Variants in KLHL1 observed in about 807,000 individuals in gnomAD.
KLHL1 encodes the protein kelch like family member 1.
KLHL1 carries 47 observed loss-of-function variants against 77.7 expected under a neutral mutation model. The ratio of observed to expected loss-of-function variants is 0.60; its 90% CI spans 0.48 to 0.77. KLHL1 has a LOEUF of 0.77. KLHL1 is among the 30% of genes least tolerant of loss of function. The pLI is 0.00. For synonymous variants in KLHL1, 360 were observed against 325.2 expected, an observed-to-expected ratio of 1.11 and a Z score of -1.15; for missense variants, 925 against 910.8, an observed-to-expected ratio of 1.02 and a Z score of -0.20.
At chr13:69,994,895 A>T (rs527364222) in intron 1 of KLHL1, among the ~76,000 whole-genome samples, 3 of 152,218 alleles carry the variant, frequency 2.0e-5, no homozygotes, top group African/African-American at 2.4e-5. Flanking sequence ...TAAGACATTC[A>T]CTGACAAGAA....
At chr13:70,024,622 C>CTCTCTCTCTCTCTCTTTCTCTCTT (rs1458518366) in intron 1 of KLHL1, among the ~76,000 whole-genome samples, 539 of 38,088 alleles carry the variant, frequency 0.014, 22 homozygotes, top group South Asian at 0.089. Context: ...GAAAAGATTT[C>CTCTCTCTCTCTCTCTTTCTCTCTT]TCTCTCTCTC....
rs764357736 is a variant in KLHL1 at position 69,961,312 on chromosome 13, A to G, written c.813T>C (p.Tyr271=). The change falls in exon 3 of 11, where the codon TAT becomes TAC. Residue 271 remains tyrosine, a synonymous_variant. Transcript: ENST00000377844. ...NALWDLVQFA[Y]TGCLELKEDT... is the part of the protein sequence containing the mutation. Reference sequence around the variant, plus strand: ...GTTATAATTATTTTGCCATACCTGTATATGCAAATTGGACAAGGTCCCAGA... The same window carrying G: ...GTTATAATTATTTTGCCATACCTGTGTATGCAAATTGGACAAGGTCCCAGA... 1.2e-6 allele frequency: 2 copies of G among 1,611,078 alleles called. No individual in the cohort carries two copies. Among genetic ancestry groups the G allele is most frequent in the South Asian group, 1.1e-5 (1 of 90,842 alleles).
chr13:69,788,874 G>A (rs1876706592), intron 7 of KLHL1, among the ~76,000 whole-genome samples: 1 of 152,018 alleles, frequency 6.6e-6, no homozygotes, highest in African/African-American at 2.4e-5. Flanking sequence ...ACCTTTTTCT[G>A]ATTTATTAGT....
chr13:69,778,029 A>C (rs955449877), intron 7 of KLHL1, among the ~76,000 whole-genome samples: 5 of 151,864 alleles, frequency 3.3e-5, no homozygotes, highest in African/African-American at 1.2e-4. Context: ...TTAAAAATTA[A>C]GATAATTATA....
At chr13:70,011,602 A>G (rs1885535086) in intron 1 of KLHL1, among the ~76,000 whole-genome samples, 1 of 152,146 alleles carries the variant, frequency 6.6e-6, no homozygotes, top group African/African-American at 2.4e-5. Context: ...AGTTATCCCT[A>G]TCTTGATAGT....
intron 7 of KLHL1, among the ~76,000 whole-genome samples, chr13:69,745,090 C>T (rs1381259829): frequency 1.3e-5 from 2 of 151,764 alleles, no homozygotes; most frequent in African/African-American, 2.4e-5. Flanking sequence ...GAGAGGAACC[C>T]CGTTGTCTGA....
intron 1 of KLHL1, among the ~76,000 whole-genome samples, chr13:70,006,247 C>T (rs1281972259): frequency 2.0e-5 from 3 of 151,874 alleles, no homozygotes; most frequent in African/African-American, 4.8e-5. Flanking sequence ...ACGACATTTT[C>T]TTTATCTATT....
intron 4 of KLHL1, among the ~76,000 whole-genome samples, chr13:69,933,639 A>T (rs977628389): frequency 3.9e-5 from 6 of 152,124 alleles, no homozygotes. Context: ...TGACTCTGGA[A>T]GGCTTTATGC....
chr13:69,834,328 G>T lies in KLHL1; in HGVS notation c.1414+4648C>A, dbSNP rs74328077. Among the ~76,000 whole-genome samples, 109 of 151,804 alleles carry T rather than the reference G, an allele frequency of 7.2e-4. 2 individuals are homozygous for T. In the East Asian group the frequency reaches 0.019, roughly 26 times the overall value. The stretch of plus-strand genomic sequence containing the variant: ...TATATATGTATGTATTTATGTCATT[G>T]ATGTATTATCTATTACTTAAAAAAA... On this transcript the variant is annotated intron_variant, in intron 6 of 10. Transcript: ENST00000377844.
intron 7 of KLHL1, among the ~76,000 whole-genome samples, chr13:69,781,415 A>T (rs1469618455): frequency 6.6e-6 from 1 of 151,638 alleles, no homozygotes; most frequent in Non-Finnish European, 1.5e-5. Flanking sequence ...CTTGAGAAAT[A>T]GCTTGACTAG....
At chr13:69,973,960 A>G (rs1322536641) in intron 2 of KLHL1, among the ~76,000 whole-genome samples, 1 of 151,938 alleles carries the variant, frequency 6.6e-6, no homozygotes, top group Non-Finnish European at 1.5e-5. Context: ...CCCCGCTTTA[A>G]CCAATCAAAT....
chr13:70,030,973 C>T (rs1399471156), intron 1 of KLHL1, among the ~76,000 whole-genome samples: 1 of 152,104 alleles, frequency 6.6e-6, no homozygotes, highest in Non-Finnish European at 1.5e-5. Flanking sequence ...CACTTCTATG[C>T]AAATAAACTA....
intron 1 of KLHL1, among the ~76,000 whole-genome samples, chr13:70,104,126 T>G (rs1644919786): frequency 6.6e-6 from 1 of 152,172 alleles, no homozygotes. Flanking sequence ...GGCAGAAATA[T>G]CCACAACAAA....
rs1466512793 is a variant in KLHL1, at chr13:69,975,741, C to T, written c.559G>A (p.Glu187Lys). The T allele has an allele frequency of 1.2e-6, 2 of 1,613,482 alleles. No homozygotes were observed. Among genetic ancestry groups the T allele is most frequent in the East Asian group, 4.5e-5 (2 of 44,818 alleles). The change falls in exon 2 of 11, where the codon GAA (glutamate) becomes AAA (lysine). Residue 187 changes from glutamate (E) to lysine (K), a missense_variant. Glu to Lys is a moderately conservative substitution (Grantham distance 56). Coordinates refer to ENST00000377844, the MANE Select transcript of KLHL1 (RefSeq NM_020866.3). ...GCATGATGAACAGCTTGATAGAATT[C>T]TTCAGAGCTACTGGAGTCCAAATCA... ...QSDLDSSSSEEFYQAVHHAEQ... is the reference protein window; with the variant it reads ...QSDLDSSSSEKFYQAVHHAEQ...
At chr13:69,919,492 G>T (rs1467054350) in intron 4 of KLHL1, among the ~76,000 whole-genome samples, 1 of 152,064 alleles carries the variant, frequency 6.6e-6, no homozygotes, top group East Asian at 1.9e-4. Context: ...CTCAGAAATG[G>T]TTGAGTGGAA....
intron 4 of KLHL1, among the ~76,000 whole-genome samples, chr13:69,883,510 T>C (rs1260212307): frequency 6.6e-6 from 1 of 152,242 alleles, no homozygotes. Context: ...CCTTGCGGTG[T>C]GTAGTGGGTG....
At chr13:69,953,695 A>G (rs1033763708) in intron 3 of KLHL1, among the ~76,000 whole-genome samples, 7 of 151,186 alleles carry the variant, frequency 4.6e-5, no homozygotes, top group Admixed American at 2.0e-4. Flanking sequence ...TAAAAAATTC[A>G]CCATTATACA....
intron 4 of KLHL1, among the ~76,000 whole-genome samples, chr13:69,885,194 C>T (rs1291648935): frequency 1.5e-5 from 2 of 136,754 alleles, no homozygotes; most frequent in Non-Finnish European, 3.0e-5. Flanking sequence ...CCCGCCTCGG[C>T]CTCCCAAAGT....
chr13:69,740,614 A>G, intron 7 of KLHL1, 58 bp from the exon 8 acceptor site: 1 of 1,321,022 alleles, frequency 7.6e-7, no homozygotes. Context: ...TGTACATTTA[A>G]AAATCTGTTA....
Sources: allele counts gnomAD v4.1 joint callset (sites outside exome capture counted in the v4.1 genomes callset), GRCh38; gene constraint gnomAD v4.1.1; transcripts MANE v1.5; gene names NCBI Gene and HGNC (gene_info 2026-07-23, HGNC 2026-07-21).